PRKD1: variants seen among roughly 807,000 people sequenced by gnomAD.
PRKD1 encodes protein kinase D1, also known as serine/threonine-protein kinase D1.
In PRKD1, 63 loss-of-function variants were observed where a neutral mutation model predicts 95.9. The ratio of observed to expected loss-of-function variants is 0.66; its 90% CI spans 0.54 to 0.81. The LOEUF (loss-of-function observed/expected upper bound fraction) is 0.81. PRKD1 is among the 30% of genes least tolerant of loss of function. PRKD1 has a pLI of 0.00. For missense variants in PRKD1, 1,048 were observed against 1,165.3 expected, an observed-to-expected ratio of 0.90 and a Z score of 1.47; for synonymous variants, 425 against 423.1, an observed-to-expected ratio of 1.00 and a Z score of -0.05.
chr14:29,750,361 A>T (rs73259528), intron 1 of PRKD1, among the ~76,000 whole-genome samples: 48 of 152,318 alleles, frequency 3.2e-4, no homozygotes, highest in African/African-American at 1.2e-3. Flanking sequence ...TTAAGTTCCT[A>T]CAGCATATTT....
chr14:29,798,508 TAA>T (rs1389133394), intron 1 of PRKD1, among the ~76,000 whole-genome samples: 1 of 152,190 alleles, frequency 6.6e-6, no homozygotes, highest in Non-Finnish European at 1.5e-5. Context: ...AGCAATAGGC[TAA>T]AGTCTTCTGA....
intron 1 of PRKD1, among the ~76,000 whole-genome samples, chr14:29,802,046 A>G (rs962420282): frequency 2.0e-5 from 3 of 152,150 alleles, no homozygotes; most frequent in Non-Finnish European, 4.4e-5. Flanking sequence ...GGCAAATAGT[A>G]TATGTTTCAT....
At chr14:29,867,791 T>G (rs1482436979) in intron 1 of PRKD1, among the ~76,000 whole-genome samples, 1 of 152,088 alleles carries the variant, frequency 6.6e-6, no homozygotes, top group Non-Finnish European at 1.5e-5. Flanking sequence ...GTCCCAAAAG[T>G]AGATGATGGA....
At chr14:29,679,854 A>T (rs1462351112) in intron 2 of PRKD1, among the ~76,000 whole-genome samples, 1 of 151,982 alleles carries the variant, frequency 6.6e-6, no homozygotes, top group African/African-American at 2.4e-5. Context: ...CAGCCTCCCA[A>T]GTAGCTGAGA....
At chr14:29,757,072 T>C (rs1236082005) in intron 1 of PRKD1, among the ~76,000 whole-genome samples, 1 of 152,218 alleles carries the variant, frequency 6.6e-6, no homozygotes, top group Non-Finnish European at 1.5e-5. Context: ...AATTGTACTA[T>C]GGGTTAAATG....
intron 1 of PRKD1, among the ~76,000 whole-genome samples, chr14:29,816,080 T>TGGCGG (rs1566616584): frequency 1.3e-5 from 2 of 152,074 alleles, no homozygotes; most frequent in Non-Finnish European, 2.9e-5. Flanking sequence ...TAGCTGGGTG[T>TGGCGG]CGTGGCACAT....
chr14:29,919,592 C>G (rs897246710), intron 1 of PRKD1, among the ~76,000 whole-genome samples: 2 of 152,140 alleles, frequency 1.3e-5, no homozygotes, highest in African/African-American at 4.8e-5. Context: ...ATCTCATATT[C>G]TTATAGATTA....
At position 29,756,720 on chromosome 14, in the gene PRKD1, T is replaced by C. The variant is rs374160506; in HGVS notation, c.265-31046A>G. Among the ~76,000 whole-genome samples the C allele has an allele frequency of 3.3e-5, 5 of 152,294 alleles. No individual in the cohort carries two copies. In the East Asian group the frequency reaches 7.7e-4, roughly 24 times the overall value. ...GGGGCTTTGCTACACAATCAGAAAG[T>C]TCAAGGTCCTACAGACAGAGCTATG... On this transcript the variant is annotated intron_variant, in intron 1 of 17. Coordinates refer to ENST00000331968, the MANE Select transcript of PRKD1 (RefSeq NM_002742.3).
At chr14:29,653,937 T>C (rs1009286236) in intron 4 of PRKD1, among the ~76,000 whole-genome samples, 6 of 152,150 alleles carry the variant, frequency 3.9e-5, no homozygotes, top group Non-Finnish European at 8.8e-5. Flanking sequence ...AGATTTTATA[T>C]AGATATATTT....
chr14:29,887,360 T>C (rs190498432), intron 1 of PRKD1, among the ~76,000 whole-genome samples: 1 of 152,316 alleles, frequency 6.6e-6, no homozygotes, highest in East Asian at 1.9e-4. Flanking sequence ...TGCATGAAGA[T>C]TTTATCTGTA....
At chr14:29,643,604 T>C (rs73255537) in intron 4 of PRKD1, among the ~76,000 whole-genome samples, 25 of 152,174 alleles carry the variant, frequency 1.6e-4, no homozygotes, top group African/African-American at 4.8e-4. Flanking sequence ...TTAGATTACA[T>C]TGTGGAAACT....
At chr14:29,679,828 A>G (rs1184735341) in intron 2 of PRKD1, among the ~76,000 whole-genome samples, 1 of 150,814 alleles carries the variant, frequency 6.6e-6, no homozygotes, top group Non-Finnish European at 1.5e-5. Context: ...CTCAGGTTCC[A>G]GCAATTCTCC....
chr14:29,656,630 C>CA (rs1314828065), intron 4 of PRKD1: 69 of 963,522 alleles, frequency 7.2e-5, no homozygotes, highest in Middle Eastern at 2.1e-4. Context: ...GGCATGCTTT[C>CA]AAAAAAAAGC....
chr14:29,595,441 G>A (rs1375377674), intron 16 of PRKD1, among the ~76,000 whole-genome samples: 4 of 152,030 alleles, frequency 2.6e-5, no homozygotes, highest in Admixed American at 2.0e-4. Flanking sequence ...CACATAACTC[G>A]TCTCCCCAAC....
Position 29,927,533 on chromosome 14 carries a change from C to G in PRKD1, c.-21G>C. ...CTCATCGCTCGGCGGGGCGCAGGGC[C>G]GGGCAGCGGAGGGCGGGGGCTGGCG... On this transcript the variant is annotated 5_prime_UTR_variant, in exon 1 of 18. Transcript: ENST00000331968. 1 of 1,160,108 alleles carries G rather than the reference C, an allele frequency of 8.6e-7. No homozygotes were observed. The highest frequency in any genetic ancestry group is 1.1e-6 in the Non-Finnish European group (1 of 942,452). 71.9% of individuals were successfully genotyped at this position (1,160,108 alleles called of 1,614,324 possible).
At chr14:29,791,887 T>C (rs1321927261) in intron 1 of PRKD1, among the ~76,000 whole-genome samples, 2 of 152,154 alleles carry the variant, frequency 1.3e-5, no homozygotes, top group African/African-American at 4.8e-5. Flanking sequence ...ATGACAGGTA[T>C]TTGTTTAATA....
chr14:29,876,720 CA>C lies in PRKD1; in HGVS notation c.264+50528del, dbSNP rs551606697. 3.8e-3 allele frequency among the ~76,000 whole-genome samples: 558 copies of C among 146,714 alleles called. 4 individuals carry two copies. Among genetic ancestry groups the C allele is most frequent in the African/African-American group, 0.012 (500 of 40,176 alleles). On this transcript the variant is annotated intron_variant, in intron 1 of 17. Transcript: ENST00000331968. The stretch of plus-strand genomic sequence containing the variant: ...CAACTCTACAGCAAAAACAAACAAA[CA>C]AAAAAAAACAAAAAAAAGCACCCAA...
chr14:29,826,602 C>A (rs1891133165), intron 1 of PRKD1, among the ~76,000 whole-genome samples: 1 of 121,302 alleles, frequency 8.2e-6, no homozygotes, highest in Admixed American at 9.0e-5. Flanking sequence ...AATATATATA[C>A]ATATATACAT....
intron 1 of PRKD1, among the ~76,000 whole-genome samples, chr14:29,891,392 AG>A (rs1893932640): frequency 6.6e-6 from 1 of 152,034 alleles, no homozygotes; most frequent in Non-Finnish European, 1.5e-5. Flanking sequence ...ATATTTGGTT[AG>A]ATACCTGTTT....
Sources: allele counts gnomAD v4.1 joint callset (sites outside exome capture counted in the v4.1 genomes callset), GRCh38; gene constraint gnomAD v4.1.1; transcripts MANE v1.5; gene names NCBI Gene and HGNC (gene_info 2026-07-23, HGNC 2026-07-21).